Variants in CCDC14 observed in about 807,000 individuals in gnomAD.
CCDC14 encodes the protein coiled-coil domain-containing protein 14.
A neutral mutation model predicts 81.4 loss-of-function variants in CCDC14; 71 were observed. That is an observed-to-expected ratio of 0.87 (90% CI 0.72 to 1.06). CCDC14 has a LOEUF of 1.06. Among genes scored for constraint, CCDC14 ranks in the 50% least tolerant of loss-of-function variants. The pLI, the probability that CCDC14 is intolerant of heterozygous loss-of-function variation, is 0.00. For missense variants in CCDC14, 1,046 were observed against 1,047.3 expected (o/e 1.00, Z 0.02); for synonymous variants, 332 against 364.8 (o/e 0.91, Z 1.03).
chr3:123,961,122 T>C, intron 1 of CCDC14, 22 bp downstream of exon 1: 3 of 1,542,708 alleles, frequency 1.9e-6, no homozygotes, highest in Non-Finnish European at 2.6e-6. Context: ...CACAGCGGAC[T>C]CCTCAGGTCC....
rs764505129 is a variant in CCDC14, at chr3:123,946,956, CCTCT to C, written c.1044_1047del (p.Glu349ProfsTer8). On this transcript the variant is annotated frameshift_variant, in exon 8 of 13. Transcript: ENST00000409697. LOFTEE classifies it high-confidence loss of function. ...TTTAAATCCTTTCTTTCACTTGTGG[CCTCT>C]CTAATTTGCTCTCTGGCACATTTTT... The C allele has an allele frequency of 3.0e-5, 48 of 1,613,794 alleles. No homozygotes were observed. The highest frequency in any genetic ancestry group is 3.3e-5 in the Admixed American group (2 of 59,990).
intron 1 of CCDC14, among the ~76,000 whole-genome samples, chr3:123,960,921 C>A (rs1419862398): frequency 1.3e-5 from 2 of 152,136 alleles, no homozygotes; most frequent in Non-Finnish European, 2.9e-5. Flanking sequence ...CCAAAGCCGG[C>A]GCTCTAGACT....
intron 9 of CCDC14, among the ~76,000 whole-genome samples, chr3:123,942,109 A>T (rs17309928): frequency 0.087 from 13,243 of 152,014 alleles, 705 homozygotes; most frequent in Middle Eastern, 0.21. Flanking sequence ...AAAAGTCTAC[A>T]AGTTAAGATC....
In CCDC14 at chr3:123,956,114, G is replaced by C. The variant is rs1483964754; in HGVS notation, c.161C>G (p.Ala54Gly). ...YSIHSDSESQAETVHGLDGCA... is the reference protein window; with the variant it reads ...YSIHSDSESQGETVHGLDGCA... ...ACCATCAAGCCCGTGTACAGTTTCA[G>C]CCTGTAAGAAATAAAGTCATTTAGA... The change falls in exon 4 of 13, where the codon GCT (alanine) becomes GGT (glycine). Residue 54 changes from alanine (A) to glycine (G), a missense_variant and splice_region_variant. Ala to Gly is a moderately conservative substitution (Grantham distance 60, BLOSUM62 0). Coordinates refer to ENST00000409697, the MANE Select transcript of CCDC14 (RefSeq NM_001366335.1). 1 of 1,541,508 alleles carries C rather than the reference G, an allele frequency of 6.5e-7. No homozygotes were observed. Among genetic ancestry groups the C allele is most frequent in the African/African-American group, 1.4e-5 (1 of 72,372 alleles).
chr3:123,954,371 C>T (rs767536349), intron 5 of CCDC14: 4 of 152,166 alleles, frequency 2.6e-5, no homozygotes, highest in Non-Finnish European at 4.4e-5. Flanking sequence ...AATAAATTAG[C>T]TTGGCTGCAT....
Position 123,946,808 on chromosome 3 carries a change from T to A in CCDC14, c.1196A>T (p.Glu399Val). 6.2e-7 allele frequency: 1 copy of A among 1,612,842 alleles called. No homozygotes were observed. The highest frequency in any genetic ancestry group is 8.5e-7 in the Non-Finnish European group (1 of 1,179,368). Reference protein sequence around the residue: ...LLGELKALVAEQEDSEIQRLI... With the variant: ...LLGELKALVAVQEDSEIQRLI... Reference sequence around the variant, plus strand: ...AAGTTATAAGTCCCATCTACCTTGTTCTGCTACCAGGGCCTTGAGCTCTCC... The same window carrying A: ...AAGTTATAAGTCCCATCTACCTTGTACTGCTACCAGGGCCTTGAGCTCTCC... The change falls in exon 8 of 13, where the codon GAA becomes GTA. Residue 399 changes from glutamate to valine, a missense_variant. Transcript: ENST00000409697.
intron 5 of CCDC14, among the ~76,000 whole-genome samples, chr3:123,951,839 C>T (rs931303081): frequency 1.1e-4 from 17 of 152,332 alleles, no homozygotes; most frequent in African/African-American, 4.1e-4. Flanking sequence ...AGCCTTAGAA[C>T]TAAAATGACA....
rs2034539861 is a variant in CCDC14 at position 123,914,362 on chromosome 3, A to G, written c.*417T>C. On this transcript the variant is annotated 3_prime_UTR_variant, in exon 13 of 13. Coordinates refer to ENST00000409697, the MANE Select transcript of CCDC14 (RefSeq NM_001366335.1). ...TAATAAAAACACATTGCTATTAAAA[A>G]AAAGTATATGTAAACAGAAAAAAAA... is the stretch of plus-strand genomic sequence containing the variant. 1.0e-6 allele frequency: 1 copy of G among 985,306 alleles called. No homozygotes were observed. The highest frequency in any genetic ancestry group is 1.2e-6 in the Non-Finnish European group (1 of 829,804). 61.0% of individuals were successfully genotyped at this position (985,306 alleles called of 1,614,324 possible).
At chr3:123,887,119 C>T in the CCDC14 span, among the ~76,000 whole-genome samples, 1 of 152,010 alleles carries the variant, frequency 6.6e-6, no homozygotes, top group Non-Finnish European at 1.5e-5. Context: ...ATATGCTATC[C>T]ATCTTTTATA....
chr3:123,920,856 A>T (rs1244089629), intron 12 of CCDC14, among the ~76,000 whole-genome samples: 1 of 152,248 alleles, frequency 6.6e-6, no homozygotes, highest in East Asian at 1.9e-4. Flanking sequence ...AGACAAAACT[A>T]TTAAAAACAA....
downstream of CCDC14, among the ~76,000 whole-genome samples, chr3:123,895,530 A>AAACAG (rs1474243045): frequency 6.6e-6 from 1 of 152,160 alleles, no homozygotes; most frequent in Non-Finnish European, 1.5e-5. Flanking sequence ...AAACAAAACA[A>AAACAG]AACAGAACAA....
At chr3:123,909,752 T>C (rs1171828809), downstream of CCDC14, among the ~76,000 whole-genome samples, 1 of 152,188 alleles carries the variant, frequency 6.6e-6, no homozygotes, top group Non-Finnish European at 1.5e-5. Flanking sequence ...GAATTCCTTA[T>C]TATTAGACCA....
intron 5 of CCDC14, among the ~76,000 whole-genome samples, chr3:123,903,320 AC>A (rs2034219076): frequency 7.0e-6 from 1 of 143,790 alleles, no homozygotes; most frequent in African/African-American, 2.5e-5. Flanking sequence ...ACACACACAC[AC>A]ACACACACAC....
intron 9 of CCDC14, among the ~76,000 whole-genome samples, chr3:123,939,459 T>G (rs1450918000): frequency 6.6e-6 from 1 of 151,186 alleles, no homozygotes; most frequent in Non-Finnish European, 1.5e-5. Flanking sequence ...TTTTTTTTTT[T>G]TTTTAGAGAT....
Position 123,915,040 on chromosome 3 carries a change from G to T in CCDC14, c.2457C>A (p.Ile819=), listed in dbSNP as rs2034575975. Residue 819 remains isoleucine, a synonymous_variant, in exon 13 of 13, where the codon ATC becomes ATA. Coordinates refer to ENST00000409697, the MANE Select transcript of CCDC14 (RefSeq NM_001366335.1). The part of the protein sequence containing the change: ...LKKIKEAIGK[I]PAATKEPEEQ... ...CCTCTGGCTCCTTGGTGGCAGCAGG[G>T]ATCTTACCAATTGCTTCCTTTATTT... 2 of 1,613,906 alleles carry T rather than the reference G, an allele frequency of 1.2e-6. No individual in the cohort carries two copies. The highest frequency in any genetic ancestry group is 2.7e-5 in the African/African-American group (2 of 74,938).
chr3:123,916,468 TTG>T (rs71142765), intron 12 of CCDC14, among the ~76,000 whole-genome samples: 13,667 of 146,054 alleles, frequency 0.094, 690 homozygotes, highest in Middle Eastern at 0.21. Context: ...ATATATGTGT[TTG>T]TGTGTGTGTG....
chr3:123,890,765 A>C, the CCDC14 span, among the ~76,000 whole-genome samples: 1 of 152,092 alleles, frequency 6.6e-6, no homozygotes, highest in South Asian at 2.1e-4. Flanking sequence ...CTGTCAGTGG[A>C]TCTACCATTC....
rs947143950 is a variant in CCDC14, at chr3:123,916,990, C to A, written c.1779-1272G>T. ...TTGAGTAGCTGGGACTACAGGTGCC[C>A]TCCACCACGCAGGGCTAATTTTTCT... On this transcript the variant is annotated intron_variant, in intron 12 of 12. Transcript: ENST00000409697. Among the ~76,000 whole-genome samples, 4 of 151,752 alleles carry A rather than the reference C, an allele frequency of 2.6e-5. No homozygotes were observed. In the South Asian group the frequency reaches 8.4e-4, roughly 32 times the overall value.
At chr3:123,908,858 T>G (rs1302518994), downstream of CCDC14, among the ~76,000 whole-genome samples, 1 of 152,120 alleles carries the variant, frequency 6.6e-6, no homozygotes, top group African/African-American at 2.4e-5. Flanking sequence ...GAAGACCTAT[T>G]TTTTCAAATG....
Sources: gnomAD v4.1 joint callset for allele counts (sites outside exome capture counted in the v4.1 genomes callset) on GRCh38, gnomAD v4.1.1 for gene constraint, MANE v1.5 for transcripts, NCBI Gene and HGNC (gene_info 2026-07-23, HGNC 2026-07-21) for gene names.